The following DAB1 variants were observed in gnomAD, a reference collection of about 807,000 sequenced individuals.
The protein encoded by DAB1 is DAB adaptor protein 1.
Under a neutral mutation model 64.6 loss-of-function variants are expected in DAB1, and 15 were observed. That is an observed-to-expected ratio of 0.23 (90% CI 0.16 to 0.36). The LOEUF is 0.36. DAB1 is among the 10% of genes least tolerant of loss of function. The pLI, the probability that DAB1 is intolerant of heterozygous loss-of-function variation, is 1.00. For synonymous variants in DAB1, 235 were observed against 251.9 expected, an observed-to-expected ratio of 0.93 and a Z score of 0.64; for missense variants, 596 against 706.7, an observed-to-expected ratio of 0.84 and a Z score of 1.78.
intron 7 of DAB1, among the ~76,000 whole-genome samples, chr1:57,599,704 A>G (rs1645553806): frequency 6.6e-6 from 1 of 152,098 alleles, no homozygotes; most frequent in South Asian, 2.1e-4. Context: ...GTTTTAAGCA[A>G]AGTCACTCAT....
At chr1:58,530,516 C>A in intron 1 of DAB1, 3 of 721,872 alleles carry the variant, frequency 4.2e-6, no homozygotes, top group Non-Finnish European at 7.1e-6. Context: ...AATGTAAAAA[C>A]ATCTCTGGAT....
intron 5 of DAB1, among the ~76,000 whole-genome samples, chr1:57,954,040 G>A (rs1645334403): frequency 2.6e-5 from 4 of 152,036 alleles, no homozygotes; most frequent in Admixed American, 2.0e-4. Flanking sequence ...CCTTCTGAGT[G>A]TACCATCTGT....
chr1:58,220,515 G>C (rs1254181052), intron 4 of DAB1, among the ~76,000 whole-genome samples: 1 of 152,126 alleles, frequency 6.6e-6, no homozygotes, highest in African/African-American at 2.4e-5. Context: ...AGGTAGAAGA[G>C]AGCCCTTTAA....
At chr1:57,625,961 G>A (rs950867869) in intron 7 of DAB1, among the ~76,000 whole-genome samples, 1 of 152,082 alleles carries the variant, frequency 6.6e-6, no homozygotes, top group Non-Finnish European at 1.5e-5. Flanking sequence ...CTGTCTATTA[G>A]CATTGTAATT....
chr1:57,262,591 A>C (rs888404765), intron 2 of DAB1, among the ~76,000 whole-genome samples: 6 of 152,136 alleles, frequency 3.9e-5, no homozygotes, highest in Non-Finnish European at 8.8e-5. Flanking sequence ...ACTTACACCT[A>C]CTTTCCGCTC....
At chr1:57,243,702 G>T (rs905602449) in intron 2 of DAB1, among the ~76,000 whole-genome samples, 1 of 152,040 alleles carries the variant, frequency 6.6e-6, no homozygotes, top group Admixed American at 6.6e-5. Flanking sequence ...TCCTCACTTG[G>T]GTCTCCAGAG....
chr1:57,284,803 C>A (rs908401929), intron 2 of DAB1, among the ~76,000 whole-genome samples: 30 of 152,158 alleles, frequency 2.0e-4, no homozygotes, highest in Non-Finnish European at 3.8e-4. Context: ...ACCAGTTGAG[C>A]AGTCATGACC....
chr1:57,940,201 C>A (rs1645082661), intron 5 of DAB1, among the ~76,000 whole-genome samples: 1 of 152,174 alleles, frequency 6.6e-6, no homozygotes. Context: ...TCCTCCTAAG[C>A]CCAGGGCATT....
chr1:58,307,326 C>G (rs1052501243), intron 4 of DAB1, among the ~76,000 whole-genome samples: 9 of 152,190 alleles, frequency 5.9e-5, no homozygotes, highest in Admixed American at 2.6e-4. Context: ...ATGAGTGAAA[C>G]TTGGCCCCTG....
At chr1:58,530,192 A>AT (rs1206206491) in intron 1 of DAB1, among the ~76,000 whole-genome samples, 1 of 152,136 alleles carries the variant, frequency 6.6e-6, no homozygotes, top group Non-Finnish European at 1.5e-5. Flanking sequence ...ATACCATGCC[A>AT]TTTTTTATCA....
chr1:57,717,832 G>T (rs977219871), intron 6 of DAB1, among the ~76,000 whole-genome samples: 3 of 151,948 alleles, frequency 2.0e-5, no homozygotes, highest in African/African-American at 7.3e-5. Context: ...TGAACCTGGA[G>T]GACATTATGT....
intron 3 of DAB1, among the ~76,000 whole-genome samples, chr1:58,370,187 G>A (rs1405271157): frequency 2.0e-5 from 3 of 152,162 alleles, no homozygotes; most frequent in Admixed American, 6.5e-5. Context: ...TTAAAATTTG[G>A]TGTATTCTTG....
At chr1:57,659,715 T>A (rs1291012653) in intron 6 of DAB1, among the ~76,000 whole-genome samples, 1 of 151,988 alleles carries the variant, frequency 6.6e-6, no homozygotes, top group East Asian at 1.9e-4. Context: ...GTGGCTCACA[T>A]CTGTAATCCC....
intron 6 of DAB1, among the ~76,000 whole-genome samples, chr1:57,730,749 T>G (rs1461975426): frequency 6.6e-6 from 1 of 152,214 alleles, no homozygotes; most frequent in Admixed American, 6.5e-5. Context: ...GGTAGACAGA[T>G]AGATGAATAA....
chr1:58,052,678 G>T (rs1424545048), intron 5 of DAB1, among the ~76,000 whole-genome samples: 2 of 152,158 alleles, frequency 1.3e-5, no homozygotes, highest in Non-Finnish European at 2.9e-5. Context: ...CTATCCATAA[G>T]CATGGAATGT....
intron 7 of DAB1, among the ~76,000 whole-genome samples, chr1:57,438,729 T>A (rs894210693): frequency 2.0e-5 from 3 of 152,214 alleles, no homozygotes; most frequent in Non-Finnish European, 4.4e-5. Flanking sequence ...TTTAGTTCTT[T>A]TTTTTCACAT....
intron 6 of DAB1, among the ~76,000 whole-genome samples, chr1:57,808,137 C>CCT (rs1354513834): frequency 2.0e-5 from 3 of 150,642 alleles, no homozygotes; most frequent in Non-Finnish European, 4.4e-5. Flanking sequence ...TTATATTCTC[C>CCT]CTCTCTCTCT....
chr1:58,420,706 G>A (rs2100220626), intron 3 of DAB1, among the ~76,000 whole-genome samples: 1 of 152,272 alleles, frequency 6.6e-6, no homozygotes, highest in African/African-American at 2.4e-5. Flanking sequence ...TTCCTAGTTT[G>A]CATGATCCAG....
chr1:57,267,093 T>A (rs183463354), intron 2 of DAB1, among the ~76,000 whole-genome samples: 4 of 152,010 alleles, frequency 2.6e-5, no homozygotes, highest in Non-Finnish European at 4.4e-5. Context: ...AATCTTGAGA[T>A]GAAAGATCAT....
Sources: allele counts gnomAD v4.1 joint callset (sites outside exome capture counted in the v4.1 genomes callset), GRCh38; gene constraint gnomAD v4.1.1; transcripts MANE v1.5; gene names NCBI Gene and HGNC (gene_info 2026-07-23, HGNC 2026-07-21).